The following CUX1 variants were observed in gnomAD, a reference collection of about 807,000 sequenced individuals.
CUX1 encodes cut like homeobox 1, also known as protein CASP.
Under a neutral mutation model 158.8 loss-of-function variants are expected in CUX1, and 31 were observed. The ratio of observed to expected loss-of-function variants is 0.20; its 90% CI spans 0.15 to 0.26. The LOEUF (loss-of-function observed/expected upper bound fraction) is 0.26, where lower values mean the gene tolerates loss of function less well. Ranked by LOEUF, CUX1 falls within the 10% of genes least tolerant of loss-of-function variation. CUX1 has a pLI of 1.00. For missense variants in CUX1, 1,589 were observed against 2,014.6 expected (o/e 0.79, Z 4.04); for synonymous variants, 879 against 862.1 (o/e 1.02, Z -0.34).
chr7:101,988,319 T>C (rs1378552815), intron 2 of CUX1, among the ~76,000 whole-genome samples: 1 of 151,898 alleles, frequency 6.6e-6, no homozygotes, highest in Non-Finnish European at 1.5e-5. Flanking sequence ...GAGGCTGGGG[T>C]GGGAGGCAAG....
intron 3 of CUX1, among the ~76,000 whole-genome samples, chr7:102,042,670 T>C (rs902103633): frequency 1.3e-5 from 2 of 152,202 alleles, no homozygotes; most frequent in African/African-American, 4.8e-5. Flanking sequence ...TCTCCTTTGA[T>C]CATTTTCCTG....
In CUX1 at chr7:102,065,882, CTG is replaced by C. The variant is rs1825493328; in HGVS notation, c.190-4456_190-4455del. Among the ~76,000 whole-genome samples, 3 of 87,302 alleles carry C rather than the reference CTG, an allele frequency of 3.4e-5. 1 individual carries two copies. The highest frequency in any genetic ancestry group is 1.3e-4 in the Admixed American group (1 of 7,972). The allele number at this position is 87,302 out of a possible 152,430, so 57.3% of individuals were successfully genotyped here. A position where few individuals can be genotyped will look rare whatever the true frequency, so the allele number is the denominator to read the frequency against. ...CTCGGCTCACTGCAACCTCCGCCTC[CTG>C]GGTTCAAGCAATTCTCCTGTCTCAG... On this transcript the variant is annotated intron_variant, in intron 3 of 23. Coordinates refer to ENST00000292535, the MANE Select transcript of CUX1 (RefSeq NM_181552.4).
chr7:102,132,555 T>G (rs1409234183), intron 8 of CUX1, among the ~76,000 whole-genome samples: 3 of 151,958 alleles, frequency 2.0e-5, no homozygotes, highest in Non-Finnish European at 4.4e-5. Flanking sequence ...CTGAGGGTAT[T>G]TCGTCACTCC....
At chr7:102,176,107 C>A (rs1304905266) in intron 10 of CUX1, among the ~76,000 whole-genome samples, 1 of 152,258 alleles carries the variant, frequency 6.6e-6, no homozygotes, top group Non-Finnish European at 1.5e-5. Flanking sequence ...ACCGAAACAC[C>A]TCTTTTACAA....
intron 2 of CUX1, among the ~76,000 whole-genome samples, chr7:101,930,920 A>T (rs1004045775): frequency 6.6e-6 from 1 of 152,180 alleles, no homozygotes; most frequent in Non-Finnish European, 1.5e-5. Context: ...AACATGGCGA[A>T]ACCCCGTCTC....
At chr7:102,044,371 G>A (rs1217662950) in intron 3 of CUX1, among the ~76,000 whole-genome samples, 1 of 151,504 alleles carries the variant, frequency 6.6e-6, no homozygotes, top group East Asian at 2.0e-4. Context: ...TGTATTTTTA[G>A]TAGAGATGGG....
chr7:102,222,277 C>CA (rs1412270896), intron 20 of CUX1, among the ~76,000 whole-genome samples: 3 of 151,672 alleles, frequency 2.0e-5, no homozygotes, highest in South Asian at 2.1e-4. Context: ...GACCTCGTCT[C>CA]AAAAAAAATT....
At chr7:101,822,682 C>T (rs772099255) in intron 1 of CUX1, among the ~76,000 whole-genome samples, 10 of 152,144 alleles carry the variant, frequency 6.6e-5, no homozygotes, top group Non-Finnish European at 1.3e-4. Context: ...AGGCAGATCA[C>T]TTGAGGTCAG....
intron 8 of CUX1, among the ~76,000 whole-genome samples, chr7:102,129,182 C>T (rs186666220): frequency 1.1e-4 from 17 of 152,244 alleles, no homozygotes; most frequent in African/African-American, 2.9e-4. Flanking sequence ...AATCATTATC[C>T]GCACTGCAAG....
chr7:101,968,256 T>C (rs1811471709), intron 2 of CUX1, among the ~76,000 whole-genome samples: 3 of 152,092 alleles, frequency 2.0e-5, no homozygotes, highest in Non-Finnish European at 4.4e-5. Context: ...AAGTTAATTG[T>C]GGGGTGGGAG....
At chr7:102,014,570 G>T (rs952319467) in intron 2 of CUX1, among the ~76,000 whole-genome samples, 3 of 152,160 alleles carry the variant, frequency 2.0e-5, no homozygotes, top group African/African-American at 7.2e-5. Context: ...GCCGCGTGCT[G>T]CTCTGCCATC....
intron 8 of CUX1, among the ~76,000 whole-genome samples, chr7:102,136,061 TATATC>T (rs1278665436): frequency 6.6e-6 from 1 of 152,200 alleles, no homozygotes; most frequent in African/African-American, 2.4e-5. Context: ...TGAAGTTTAT[TATATC>T]ATATAAAATA....
At chr7:102,197,816 A>G (rs1794950763) in intron 15 of CUX1, among the ~76,000 whole-genome samples, 1 of 152,118 alleles carries the variant, frequency 6.6e-6, no homozygotes, top group Non-Finnish European at 1.5e-5. Context: ...CACCTTCCCT[A>G]CATTGTTCAC....
At chr7:102,241,804 A>G (rs1239849638) in intron 23 of CUX1, among the ~76,000 whole-genome samples, 2 of 152,198 alleles carry the variant, frequency 1.3e-5, no homozygotes, top group Non-Finnish European at 2.9e-5. Context: ...TACCTCCCGC[A>G]AGGACAAAAT....
intron 10 of CUX1, among the ~76,000 whole-genome samples, chr7:102,171,314 G>A (rs910306869): frequency 2.6e-4 from 39 of 152,270 alleles, no homozygotes; most frequent in Middle Eastern, 3.4e-3. Context: ...AAACTGGGGG[G>A]TTGGTGCGAA....
At chr7:102,241,901 C>T (rs571795451) in intron 23 of CUX1, among the ~76,000 whole-genome samples, 2 of 151,182 alleles carry the variant, frequency 1.3e-5, no homozygotes, top group South Asian at 2.1e-4. Flanking sequence ...GGCCAGAAGG[C>T]GGAGGTTGCA....
chr7:101,981,334 A>G (rs183470400), intron 2 of CUX1, among the ~76,000 whole-genome samples: 416 of 152,300 alleles, frequency 2.7e-3, no homozygotes, highest in Non-Finnish European at 3.6e-3. Context: ...ATTCAAAAAC[A>G]TGTCTTCTTT....
exon 23 of CUX1, chr7:102,283,399 C>T (rs931001881): frequency 1.7e-5 from 7 of 404,132 alleles, no homozygotes; most frequent in Non-Finnish European, 3.2e-5. Context: ...GCAGAGGTCC[C>T]TCAGCTGCGA....
chr7:101,842,934 G>A (rs1367417835), intron 1 of CUX1, among the ~76,000 whole-genome samples: 12 of 144,692 alleles, frequency 8.3e-5, no homozygotes, highest in Admixed American at 2.1e-4. Flanking sequence ...GTGCAGTGGC[G>A]CGATCTCGGC....
Sources: gnomAD v4.1 joint callset for allele counts (sites outside exome capture counted in the v4.1 genomes callset) on GRCh38, gnomAD v4.1.1 for gene constraint, MANE v1.5 for transcripts, NCBI Gene and HGNC (gene_info 2026-07-23, HGNC 2026-07-21) for gene names.